Variants in ALDH1A2 observed in about 807,000 individuals in gnomAD.
The protein encoded by ALDH1A2 is retinal dehydrogenase 2.
A neutral mutation model predicts 60.3 loss-of-function variants in ALDH1A2; 27 were observed. The observed-to-expected ratio is 0.45, with a 90% CI of 0.33 to 0.62. The LOEUF is 0.62. Ranked by LOEUF, ALDH1A2 falls within the 20% of genes least tolerant of loss-of-function variation. The pLI is 0.02. For synonymous variants in ALDH1A2, 289 were observed against 232.4 expected (o/e 1.24, Z -2.21); for missense variants, 581 against 643.8 (o/e 0.90, Z 1.06).
At chr15:57,964,155 C>G (rs1346402769) in intron 8 of ALDH1A2, 86 bp from the exon 9 acceptor site, 1 of 1,459,510 alleles carries the variant, frequency 6.9e-7, no homozygotes, top group Non-Finnish European at 9.5e-7. Flanking sequence ...CTCCAAAGCC[C>G]TAGGTATAGT....
In ALDH1A2 at chr15:57,963,904, G is replaced by A; in HGVS notation, c.1067C>T (p.Thr356Ile). 1 of 1,614,188 alleles carries A rather than the reference G, an allele frequency of 6.2e-7. No homozygotes were observed. The highest frequency in any genetic ancestry group is 8.5e-7 in the Non-Finnish European group (1 of 1,180,026). Reference sequence around the variant, plus strand: ...TTCTACCTGGGGACCCTGCTCAGTGGTGGGGTCAAAGGGACTCCCCACTAC... The same window carrying A: ...TTCTACCTGGGGACCCTGCTCAGTGATGGGGTCAAAGGGACTCCCCACTAC... ...RRVVGSPFDP[T>I]TEQGPQIDKK... Residue 356 changes from threonine (T) to isoleucine (I), a missense_variant, in exon 9 of 13, where the codon ACC (threonine) becomes ATC (isoleucine). Thr to Ile is a moderately conservative substitution (Grantham distance 89). Transcript: ENST00000249750.
chr15:57,999,800 C>T (rs147073548), intron 4 of ALDH1A2, among the ~76,000 whole-genome samples: 16 of 152,030 alleles, frequency 1.1e-4, no homozygotes, highest in South Asian at 8.3e-4. Context: ...ATAGCAAAGA[C>T]GTGGAATCAA....
At chr15:57,992,324 G>C (rs1212514588) in intron 7 of ALDH1A2, among the ~76,000 whole-genome samples, 1 of 152,162 alleles carries the variant, frequency 6.6e-6, no homozygotes, top group Non-Finnish European at 1.5e-5. Flanking sequence ...GTTGCCAATT[G>C]CACCTACCGG....
rs553000313 is a variant in ALDH1A2, at chr15:58,039,712, G to C, written c.118-25431C>G. 6.9e-4 allele frequency among the ~76,000 whole-genome samples: 105 copies of C among 151,824 alleles called. 1 individual carries two copies. In the South Asian group the frequency reaches 0.021, roughly 30 times the overall value. On this transcript the variant is annotated intron_variant, in intron 1 of 12. Coordinates refer to ENST00000249750, the MANE Select transcript of ALDH1A2 (RefSeq NM_003888.4). Reference sequence around the variant, plus strand: ...GAAAGAAATATTGTCTTCTAAAAAGGTGAGTTAGGGCTAGTTAAGTGACTC... The same window carrying C: ...GAAAGAAATATTGTCTTCTAAAAAGCTGAGTTAGGGCTAGTTAAGTGACTC...
intron 7 of ALDH1A2, among the ~76,000 whole-genome samples, chr15:57,991,151 GC>G (rs1894883362): frequency 6.6e-6 from 1 of 152,066 alleles, no homozygotes; most frequent in South Asian, 2.1e-4. Context: ...AATTCCAGGT[GC>G]CCATTCTATC....
chr15:58,008,850 A>G (rs1426688026), intron 4 of ALDH1A2, among the ~76,000 whole-genome samples: 6 of 152,074 alleles, frequency 3.9e-5, no homozygotes, highest in African/African-American at 1.4e-4. Flanking sequence ...TCTAATAGGT[A>G]TGCTCATAAC....
intron 4 of ALDH1A2, among the ~76,000 whole-genome samples, chr15:58,006,659 A>G (rs1376741025): frequency 6.6e-6 from 1 of 150,694 alleles, no homozygotes; most frequent in African/African-American, 2.4e-5. Context: ...GTTCCCTCTC[A>G]CCACATCCAC....
intron 4 of ALDH1A2, among the ~76,000 whole-genome samples, chr15:57,998,423 C>G (rs1211834431): frequency 9.2e-5 from 14 of 151,846 alleles, no homozygotes; most frequent in Admixed American, 9.2e-4. Flanking sequence ...AAGCAGAGAG[C>G]TAAATCATGA....
intron 4 of ALDH1A2, among the ~76,000 whole-genome samples, chr15:57,998,718 G>A (rs923167913): frequency 2.0e-5 from 3 of 151,852 alleles, no homozygotes; most frequent in African/African-American, 7.3e-5. Flanking sequence ...ATTTCATATG[G>A]AACCTAAAGA....
intron 7 of ALDH1A2, among the ~76,000 whole-genome samples, chr15:57,966,228 A>T (rs1469405123): frequency 6.6e-6 from 1 of 152,210 alleles, no homozygotes; most frequent in African/African-American, 2.4e-5. Context: ...ATGAGGATAA[A>T]ACAAATTGTT....
At chr15:58,011,824 A>G (rs180671168) in intron 3 of ALDH1A2, among the ~76,000 whole-genome samples, 2 of 152,312 alleles carry the variant, frequency 1.3e-5, no homozygotes, top group East Asian at 1.9e-4. Context: ...TAGAACATGT[A>G]TATGTTTACA....
intron 1 of ALDH1A2, among the ~76,000 whole-genome samples, chr15:58,055,043 T>G (rs1278150099): frequency 1.3e-5 from 2 of 152,110 alleles, no homozygotes; most frequent in Non-Finnish European, 2.9e-5. Context: ...GAACTGGGCT[T>G]GGGGTTTCCT....
chr15:57,965,870 G>C, intron 7 of ALDH1A2, 43 bp from the exon 8 acceptor site: 1 of 1,507,594 alleles, frequency 6.6e-7, no homozygotes, highest in Non-Finnish European at 9.2e-7. Context: ...AATCCTGCAG[G>C]TGAGACAGTC....
Position 57,955,270 on chromosome 15 carries a change from C to G in ALDH1A2, c.1485-1G>C, listed in dbSNP as rs2140440858. The G allele has an allele frequency of 6.2e-7, 1 of 1,614,048 alleles. No individual in the cohort carries two copies. The highest frequency in any genetic ancestry group is 2.2e-5 in the East Asian group (1 of 44,860). On this transcript the variant is annotated splice_acceptor_variant, in intron 12 of 12. Coordinates refer to ENST00000249750, the MANE Select transcript of ALDH1A2 (RefSeq NM_003888.4). LOFTEE classifies it high-confidence loss of function. ...GTACTCCCGCAAGCCAAATTCTCCC[C>G]TGAAACACAGAAATGGGCCGGGTCA...
chr15:58,014,104 G>A (rs35667670), intron 2 of ALDH1A2, 73 bp downstream of exon 2: 30,781 of 1,613,864 alleles, frequency 0.019, 383 homozygotes, highest in Non-Finnish European at 0.022. Context: ...GGTGTACTGA[G>A]AGCATATGTT....
intron 12 of ALDH1A2, among the ~76,000 whole-genome samples, chr15:57,958,415 G>A (rs1419623680): frequency 6.6e-6 from 1 of 152,220 alleles, no homozygotes; most frequent in East Asian, 1.9e-4. Flanking sequence ...AAAAGGACAG[G>A]AAAAGTGAAA....
chr15:58,064,387 T>C (rs1457040491), intron 1 of ALDH1A2, among the ~76,000 whole-genome samples: 1 of 152,214 alleles, frequency 6.6e-6, no homozygotes, highest in African/African-American at 2.4e-5. Flanking sequence ...ATTTGTAACC[T>C]AAAACTCAAT....
intron 1 of ALDH1A2, among the ~76,000 whole-genome samples, chr15:58,054,715 G>C (rs1327728372): frequency 6.6e-6 from 1 of 152,000 alleles, no homozygotes; most frequent in African/African-American, 2.4e-5. Flanking sequence ...TCCCTCCCAA[G>C]TCAATCTTAA....
rs893007471 is a variant in ALDH1A2, at chr15:57,953,869, A to G, written c.*1328T>C. On this transcript the variant is annotated 3_prime_UTR_variant, in exon 13 of 13. Coordinates refer to ENST00000249750, the MANE Select transcript of ALDH1A2 (RefSeq NM_003888.4). The stretch of plus-strand genomic sequence containing the variant: ...TGGATTGGATTTGACAGCTGGAAAG[A>G]TGGAAGAAGGGATGGAAGAAGGAAA... 3.9e-5 allele frequency: 6 copies of G among 152,410 alleles called. No individual in the cohort carries two copies. Among genetic ancestry groups the G allele is most frequent in the Admixed American group, 3.9e-4 (6 of 15,270 alleles). The allele number at this position is 152,410 out of a possible 1,614,324, so 9.4% of individuals were successfully genotyped here.
Sources: gnomAD v4.1 joint callset for allele counts (sites outside exome capture counted in the v4.1 genomes callset) on GRCh38, gnomAD v4.1.1 for gene constraint, MANE v1.5 for transcripts, NCBI Gene and HGNC (gene_info 2026-07-23, HGNC 2026-07-21) for gene names.